The following GALNTL6 variants were observed in gnomAD, a reference collection of about 807,000 sequenced individuals.
The protein encoded by GALNTL6 is polypeptide N-acetylgalactosaminyltransferase like 6.
Under a neutral mutation model 73.7 loss-of-function variants are expected in GALNTL6, and 46 were observed. The ratio of observed to expected loss-of-function variants is 0.62; its 90% CI spans 0.49 to 0.80. The LOEUF (loss-of-function observed/expected upper bound fraction) is 0.80, where lower values mean the gene tolerates loss of function less well. GALNTL6 is among the 30% of genes least tolerant of loss of function. GALNTL6 has a pLI of 0.00. For missense variants in GALNTL6, 604 were observed against 755.0 expected (o/e 0.80, Z 2.34); for synonymous variants, 259 against 263.7 (o/e 0.98, Z 0.17).
intron 5 of GALNTL6, among the ~76,000 whole-genome samples, chr4:172,384,332 A>G (rs12651589): frequency 0.81 from 122,804 of 152,012 alleles, 50,477 homozygotes; most frequent in Non-Finnish European, 0.88. Context: ...CAGCTTTGGT[A>G]GTTTGTGTTG....
chr4:172,527,162 C>T (rs1734987855), intron 5 of GALNTL6, among the ~76,000 whole-genome samples: 1 of 152,094 alleles, frequency 6.6e-6, no homozygotes, highest in African/African-American at 2.4e-5. Flanking sequence ...AATTTCTTTG[C>T]ACCTGAGGTA....
chr4:172,624,542 T>G (rs1032392639), intron 5 of GALNTL6, among the ~76,000 whole-genome samples: 1 of 152,052 alleles, frequency 6.6e-6, no homozygotes, highest in African/African-American at 2.4e-5. Context: ...TGAATCAGAT[T>G]GAATCTGAAA....
At chr4:172,230,520 G>A (rs1366654888) in intron 3 of GALNTL6, among the ~76,000 whole-genome samples, 1 of 151,404 alleles carries the variant, frequency 6.6e-6, no homozygotes, top group Non-Finnish European at 1.5e-5. Flanking sequence ...GGTGGAGCTT[G>A]CAGTGAGCCG....
chr4:172,019,046 T>TG (rs1355033116), intron 2 of GALNTL6, among the ~76,000 whole-genome samples: 4 of 152,164 alleles, frequency 2.6e-5, no homozygotes, highest in African/African-American at 9.6e-5. Flanking sequence ...AGGAGGCAGA[T>TG]TTTTCCCCTC....
intron 5 of GALNTL6, among the ~76,000 whole-genome samples, chr4:172,706,797 CAG>C (rs1226807516): frequency 6.6e-6 from 1 of 152,140 alleles, no homozygotes; most frequent in African/African-American, 2.4e-5. Flanking sequence ...GGAATATTCA[CAG>C]AGCACACCTT....
At chr4:172,431,748 T>G (rs1334621709) in intron 5 of GALNTL6, among the ~76,000 whole-genome samples, 1 of 152,152 alleles carries the variant, frequency 6.6e-6, no homozygotes, top group Admixed American at 6.6e-5. Flanking sequence ...AACTGATTAG[T>G]GTTTTTCTTA....
chr4:172,284,010 C>T (rs190662894), intron 3 of GALNTL6, among the ~76,000 whole-genome samples: 1 of 152,022 alleles, frequency 6.6e-6, no homozygotes, highest in Non-Finnish European at 1.5e-5. Context: ...TTTCTTGACT[C>T]TTTCATGGTC....
intron 2 of GALNTL6, among the ~76,000 whole-genome samples, chr4:171,982,458 C>G (rs915316776): frequency 6.6e-6 from 1 of 151,970 alleles, no homozygotes; most frequent in Non-Finnish European, 1.5e-5. Flanking sequence ...CCACCACGCC[C>G]GGCTGATTTT....
intron 4 of GALNTL6, among the ~76,000 whole-genome samples, chr4:172,326,352 A>G (rs1189221328): frequency 6.6e-6 from 1 of 152,016 alleles, no homozygotes; most frequent in Non-Finnish European, 1.5e-5. Context: ...TTACAGTTCT[A>G]TCAACTTTCG....
rs140494034 is a variant in GALNTL6, at chr4:172,331,898, T to G, written c.387-16625T>G. Among the ~76,000 whole-genome samples the G allele has an allele frequency of 6.6e-3, 998 of 152,320 alleles. 7 individuals are homozygous for G. The highest frequency in any genetic ancestry group is 0.023 in the African/African-American group (953 of 41,562). ...TTTGATAAATCCCCAAAAAAGAGAT[T>G]GCAGGATCATATTTTAGTACTATTA... On this transcript the variant is annotated intron_variant, in intron 4 of 12. Coordinates refer to ENST00000506823, the MANE Select transcript of GALNTL6 (RefSeq NM_001034845.3).
rs1322274611 is a variant in GALNTL6 at position 172,952,101 on chromosome 4, C to G, written c.1214C>G (p.Pro405Arg). Residue 405 changes from proline to arginine, a missense_variant, in exon 10 of 13, where the codon CCG (proline) becomes CGG (arginine). This residue lies in a region of GALNTL6 where 261 missense variants were observed against 296.5 expected (regional missense o/e 0.88). Transcript: ENST00000506823. ...GCCGAGTACATTTACCAGCGGCGGC[C>G]GGAGTACAGGCATCTCTCCACGGGG... is the stretch of plus-strand genomic sequence containing the variant. ...EFAEYIYQRR[P>R]EYRHLSTGDI... 1 of 1,614,088 alleles carries G rather than the reference C, an allele frequency of 6.2e-7. No homozygotes were observed. Among genetic ancestry groups the G allele is most frequent in the Non-Finnish European group, 8.5e-7 (1 of 1,180,004 alleles).
intron 10 of GALNTL6, among the ~76,000 whole-genome samples, chr4:172,996,226 A>G (rs1316800564): frequency 6.6e-6 from 1 of 152,150 alleles, no homozygotes; most frequent in African/African-American, 2.4e-5. Flanking sequence ...AAATGAGATC[A>G]TGTCCTTTGC....
rs1310504063 is a variant in GALNTL6, at chr4:172,595,762, A to T, written c.554-213599A>T. Among the ~76,000 whole-genome samples the T allele has an allele frequency of 4.6e-5, 7 of 152,160 alleles. No individual in the cohort carries two copies. The East Asian group carries it at 1.3e-3, about 29-fold the overall frequency. ...GGATATAAAAGAATTAATAGATAAC[A>T]TGCTTCTGAAAATTACAAATAATTT... On this transcript the variant is annotated intron_variant, in intron 5 of 12. Transcript: ENST00000506823.
intron 5 of GALNTL6, among the ~76,000 whole-genome samples, chr4:172,624,578 T>G (rs556249311): frequency 1.1e-4 from 16 of 152,192 alleles, no homozygotes; most frequent in African/African-American, 3.6e-4. Context: ...CATTGACCTC[T>G]AAAGTTTATT....
At chr4:172,784,705 C>G (rs1210727006) in intron 5 of GALNTL6, among the ~76,000 whole-genome samples, 1 of 152,102 alleles carries the variant, frequency 6.6e-6, no homozygotes, top group African/African-American at 2.4e-5. Flanking sequence ...CACCTTTTCC[C>G]CACCTCTTTG....
intron 2 of GALNTL6, among the ~76,000 whole-genome samples, chr4:171,873,594 T>C (rs772570667): frequency 6.6e-6 from 1 of 152,194 alleles, no homozygotes; most frequent in African/African-American, 2.4e-5. Flanking sequence ...TTCTGAAAAC[T>C]GTATTTCTTC....
chr4:172,249,590 C>A (rs1737782606), intron 3 of GALNTL6, among the ~76,000 whole-genome samples: 1 of 152,136 alleles, frequency 6.6e-6, no homozygotes, highest in Non-Finnish European at 1.5e-5. Context: ...AAAGTGCTTC[C>A]CTGGACCAGG....
intron 9 of GALNTL6, among the ~76,000 whole-genome samples, chr4:172,935,824 G>A (rs530546090): frequency 6.6e-6 from 1 of 152,210 alleles, no homozygotes. Flanking sequence ...AGGACCAGAC[G>A]GATTCACAGC....
At chr4:172,537,584 G>T (rs866341023) in intron 5 of GALNTL6, among the ~76,000 whole-genome samples, 34 of 151,976 alleles carry the variant, frequency 2.2e-4, no homozygotes, top group Admixed American at 1.9e-3. Flanking sequence ...TCTAGTCTTG[G>T]GTGTGTCCTT....
Sources: gnomAD v4.1 joint callset for allele counts (sites outside exome capture counted in the v4.1 genomes callset) on GRCh38, gnomAD v4.1.1 for gene constraint, gnomAD v4.1.1 regional missense constraint, MANE v1.5 for transcripts, NCBI Gene and HGNC (gene_info 2026-07-23, HGNC 2026-07-21) for gene names.